Variants in XKR9 observed in about 807,000 individuals in gnomAD.
XKR9 encodes XK related 9.
In XKR9, 32 loss-of-function variants were observed where a neutral mutation model predicts 32.0. The observed-to-expected ratio is 1.00, with a 90% CI of 0.76 to 1.34. The LOEUF (loss-of-function observed/expected upper bound fraction) is 1.34. Ranked by LOEUF, XKR9 falls within the 40% of genes most tolerant of loss-of-function variation. The probability of loss-of-function intolerance (pLI) is 0.00; values close to 1 mark genes in which losing one functional copy is unlikely to be tolerated. For synonymous variants in XKR9, 168 were observed against 143.4 expected (o/e 1.17, Z -1.22); for missense variants, 546 against 429.7 (o/e 1.27, Z -2.39).
chr8:70,817,107 C>T, the XKR9 span, among the ~76,000 whole-genome samples: 1 of 151,944 alleles, frequency 6.6e-6, no homozygotes, highest in Non-Finnish European at 1.5e-5. Flanking sequence ...AATTTGATAA[C>T]ATCGTACTGG....
downstream of XKR9, among the ~76,000 whole-genome samples, chr8:70,792,487 C>T (rs1430566262): frequency 6.6e-6 from 1 of 151,894 alleles, no homozygotes; most frequent in African/African-American, 2.4e-5. Context: ...ATGTACTGTG[C>T]CAGATGATGA....
the XKR9 span, among the ~76,000 whole-genome samples, chr8:70,831,897 C>T: frequency 6.6e-6 from 1 of 152,254 alleles, no homozygotes; most frequent in South Asian, 2.1e-4. Context: ...CCTCCTGCTT[C>T]CCTGGCAGGG....
the XKR9 span, among the ~76,000 whole-genome samples, chr8:70,994,635 G>C: frequency 6.6e-6 from 1 of 151,782 alleles, no homozygotes; most frequent in Non-Finnish European, 1.5e-5. Flanking sequence ...TCATTAATTT[G>C]GGGAGGTTCT....
At chr8:70,954,566 T>A in the XKR9 span, among the ~76,000 whole-genome samples, 1 of 152,240 alleles carries the variant, frequency 6.6e-6, no homozygotes, top group African/African-American at 2.4e-5. Flanking sequence ...TTTTAATAAT[T>A]TGTAAAGTGG....
the XKR9 span, among the ~76,000 whole-genome samples, chr8:70,814,214 G>A: frequency 6.6e-6 from 1 of 151,964 alleles, no homozygotes; most frequent in Admixed American, 6.6e-5. Context: ...AACACCGCAT[G>A]TTGTCACTCA....
the XKR9 span, among the ~76,000 whole-genome samples, chr8:70,957,003 C>T: frequency 6.6e-6 from 1 of 152,172 alleles, no homozygotes; most frequent in East Asian, 1.9e-4. Context: ...CTGTTCCCTG[C>T]CCCCATTGGT....
the XKR9 span, among the ~76,000 whole-genome samples, chr8:70,977,010 G>C: frequency 5.9e-5 from 9 of 152,260 alleles, no homozygotes; most frequent in Non-Finnish European, 1.0e-4. Context: ...TTTCATAGAG[G>C]TGTTTATAGT....
chr8:70,999,585 G>GA, the XKR9 span, among the ~76,000 whole-genome samples: 1 of 152,086 alleles, frequency 6.6e-6, no homozygotes, highest in African/African-American at 2.4e-5. Flanking sequence ...GTTCATGGTG[G>GA]AAAAAAACCC....
chr8:70,893,184 G>A, the XKR9 span, among the ~76,000 whole-genome samples: 58 of 151,334 alleles, frequency 3.8e-4, no homozygotes, highest in Non-Finnish European at 4.4e-5. Context: ...ATTTCTATTT[G>A]GTTCTTTTGT....
the XKR9 span, among the ~76,000 whole-genome samples, chr8:70,881,716 G>A: frequency 6.6e-6 from 1 of 151,970 alleles, no homozygotes; most frequent in Non-Finnish European, 1.5e-5. Context: ...GCTTTTCCTC[G>A]AGGATATAGA....
At chr8:70,959,037 G>A in the XKR9 span, among the ~76,000 whole-genome samples, 8 of 151,886 alleles carry the variant, frequency 5.3e-5, no homozygotes, top group South Asian at 2.1e-4. Flanking sequence ...ATATAGGGTC[G>A]AATTATCCTT....
the XKR9 span, among the ~76,000 whole-genome samples, chr8:70,847,911 A>G: frequency 6.6e-6 from 1 of 151,960 alleles, no homozygotes; most frequent in Non-Finnish European, 1.5e-5. Flanking sequence ...ACTATCAATT[A>G]TACTCAAACT....
chr8:70,815,237 G>C, the XKR9 span, among the ~76,000 whole-genome samples: 1 of 151,942 alleles, frequency 6.6e-6, no homozygotes, highest in East Asian at 1.9e-4. Flanking sequence ...GTGTCATGGG[G>C]GTTTGTTGTA....
At chr8:70,691,386 C>G (rs1158711670) in intron 3 of XKR9, among the ~76,000 whole-genome samples, 1 of 152,136 alleles carries the variant, frequency 6.6e-6, no homozygotes, top group Non-Finnish European at 1.5e-5. Flanking sequence ...TTGATAGTTT[C>G]TTTCGCTGTA....
the XKR9 span, among the ~76,000 whole-genome samples, chr8:70,967,157 G>T: frequency 6.7e-6 from 1 of 149,424 alleles, no homozygotes; most frequent in African/African-American, 2.5e-5. Flanking sequence ...CCACCTCCTG[G>T]GTTCACGCCA....
the XKR9 span, among the ~76,000 whole-genome samples, chr8:70,879,669 G>A: frequency 2.6e-5 from 4 of 151,914 alleles, no homozygotes; most frequent in Non-Finnish European, 4.4e-5. Context: ...ATAATTAATA[G>A]CCTACCAACC....
At chr8:70,848,713 G>A in the XKR9 span, among the ~76,000 whole-genome samples, 2 of 146,938 alleles carry the variant, frequency 1.4e-5, no homozygotes, top group South Asian at 2.2e-4. Flanking sequence ...AAAGACACAT[G>A]TAGGCTCAAA....
chr8:70,734,534 A>G lies in XKR9; in HGVS notation c.*110A>G. On this transcript the variant is annotated 3_prime_UTR_variant, in exon 5 of 5. Transcript: ENST00000408926. ...TTATTTTTGCCACCTTTAATTTGAA[A>G]TTAGTTCAGTGAAATAGGAGATACA... 1 of 1,347,408 alleles carries G rather than the reference A, an allele frequency of 7.4e-7. No individual in the cohort carries two copies. The highest frequency in any genetic ancestry group is 9.5e-7 in the Non-Finnish European group (1 of 1,048,612). The allele number at this position is 1,347,408 out of a possible 1,614,324, so 83.5% of individuals were successfully genotyped here.
the XKR9 span, among the ~76,000 whole-genome samples, chr8:71,014,050 A>G: frequency 6.6e-6 from 1 of 151,984 alleles, no homozygotes; most frequent in Non-Finnish European, 1.5e-5. Context: ...CTTTGTCGCA[A>G]ATTTGGGTTA....
Sources: gnomAD v4.1 joint callset for allele counts (sites outside exome capture counted in the v4.1 genomes callset) on GRCh38, gnomAD v4.1.1 for gene constraint, MANE v1.5 for transcripts, NCBI Gene and HGNC (gene_info 2026-07-23, HGNC 2026-07-21) for gene names.